The following TBL3 variants were observed in gnomAD, a reference collection of about 807,000 sequenced individuals.
The protein encoded by TBL3 is transducin beta like 3, also known as transducin beta-like protein 3.
In TBL3, 71 loss-of-function variants were observed where a neutral mutation model predicts 102.7. That is an observed-to-expected ratio of 0.69 (90% CI 0.57 to 0.84). TBL3 has a LOEUF of 0.84. TBL3 is among the 40% of genes least tolerant of loss of function. The probability of loss-of-function intolerance (pLI) is 0.00; values close to 1 mark genes in which losing one functional copy is unlikely to be tolerated. For synonymous variants in TBL3, 578 were observed against 477.7 expected (o/e 1.21, Z -2.74); for missense variants, 1,188 against 1,098.5 (o/e 1.08, Z -1.15).
At position 1,974,152 on chromosome 16, in the gene TBL3, C is replaced by T. The variant is rs751709860; in HGVS notation, c.93+45C>T. The T allele has an allele frequency of 1.4e-5, 22 of 1,564,222 alleles. No homozygotes were observed. The Admixed American group carries it at 1.5e-4, about 10-fold the overall frequency. ...CAGTGGGGCGGGCAGCCAGAGGCCG[C>T]GGGGGGTGCTGAATGTTGCCTGGCT... On this transcript the variant is annotated intron_variant, in intron 2 of 21. Coordinates refer to ENST00000568546, the MANE Select transcript of TBL3 (RefSeq NM_006453.3).
rs1340748410 is a variant in TBL3 at position 1,981,268 on chromosome 16, A to G, written c.*2583A>G. 1.9e-6 allele frequency: 3 copies of G among 1,570,394 alleles called. No individual in the cohort carries two copies. The highest frequency in any genetic ancestry group is 4.6e-5 in the East Asian group (2 of 43,768). ...GAGAGGGCTCTGGGGGACCCAGAAA[A>G]CCCCCTGGGATAGAATCCTGGCAAC... On this transcript the variant is annotated 3_prime_UTR_variant, in exon 22 of 22. Transcript: ENST00000568546.
In TBL3 at chr16:1,977,557, G is replaced by C. The variant is rs780790451; in HGVS notation, c.1786G>C (p.Glu596Gln). The C allele has an allele frequency of 6.3e-7, 1 of 1,595,554 alleles. No individual in the cohort carries two copies. The highest frequency in any genetic ancestry group is 8.5e-7 in the Non-Finnish European group (1 of 1,170,514). Residue 596 changes from glutamate (E) to glutamine (Q), a missense_variant, in exon 17 of 22, where the codon GAG becomes CAG. Physicochemically the swap from Glu to Gln is conservative, Grantham distance 29. Coordinates refer to ENST00000568546, the MANE Select transcript of TBL3 (RefSeq NM_006453.3). ...LVKLWTIKNN[E>Q]CVRTLDAHED... ...GAAGCTCTGGACCATCAAGAACAAC[G>C]AGTGTGTGCGGACGCTGGATGCCCA...
Position 1,980,590 on chromosome 16 carries a change from C to T in TBL3, c.*1905C>T, listed in dbSNP as rs2083485155. ...TACTGTGATACGCCGCTTTGGGCTT[C>T]ACTGGTCCCTGGCGCCCCCAGGCAA... On this transcript the variant is annotated 3_prime_UTR_variant, in exon 22 of 22. Coordinates refer to ENST00000568546, the MANE Select transcript of TBL3 (RefSeq NM_006453.3). 6.3e-7 allele frequency: 1 copy of T among 1,594,334 alleles called. No individual in the cohort carries two copies. Among genetic ancestry groups the T allele is most frequent in the Non-Finnish European group, 8.6e-7 (1 of 1,169,190 alleles).
intron 2 of TBL3, 35 bp from the exon 3 acceptor site, chr16:1,974,162 T>C: frequency 6.4e-7 from 1 of 1,562,202 alleles, no homozygotes; most frequent in South Asian, 1.2e-5. Context: ...CGGGGGGTGC[T>C]GAATGTTGCC....
At chr16:1,978,126 C>T (rs1043819965) in intron 19 of TBL3, 23 bp from the exon 20 acceptor site, 4 of 1,612,046 alleles carry the variant, frequency 2.5e-6, no homozygotes, top group Non-Finnish European at 3.4e-6. Context: ...CTTTCCCCAG[C>T]TCAGCCTTCC....
rs377766361 is a variant in TBL3, at chr16:1,975,330, C to T, written c.712-15C>T. The T allele has an allele frequency of 3.0e-5, 48 of 1,613,868 alleles. No individual in the cohort carries two copies. In the African/African-American group the frequency reaches 5.1e-4, roughly 17 times the overall value. ...AGGGGGCATGATAGCAGCCTGTGAC[C>T]CAATTCGTCTCCAGAGCGTGGAGGC... On this transcript the variant is annotated splice_polypyrimidine_tract_variant and intron_variant, in intron 8 of 21. Coordinates refer to ENST00000568546, the MANE Select transcript of TBL3 (RefSeq NM_006453.3).
Position 1,978,985 on chromosome 16 carries a change from TC to T in TBL3, c.*302del. ...CTCCCATCCCTGCTGGCCAGGGAGA[TC>T]CGCCCTCCCCGCTCCTCCCCAGCCC... On this transcript the variant is annotated 3_prime_UTR_variant, in exon 22 of 22. Transcript: ENST00000568546. 1.4e-6 allele frequency: 2 copies of T among 1,422,722 alleles called. No homozygotes were observed. The highest frequency in any genetic ancestry group is 1.9e-6 in the Non-Finnish European group (2 of 1,067,532). The allele number at this position is 1,422,722 out of a possible 1,614,324, so 88.1% of individuals were successfully genotyped here. A position where few individuals can be genotyped will look rare whatever the true frequency, so the allele number is the denominator to read the frequency against.
chr16:1,973,493 G>C (rs1409604400), intron 1 of TBL3, among the ~76,000 whole-genome samples: 21 of 152,234 alleles, frequency 1.4e-4, no homozygotes, highest in Admixed American at 1.4e-3. Context: ...GAAGAGGCCA[G>C]AGTGGCTGGC....
rs1286441165 is a variant in TBL3, at chr16:1,979,944, C to A, written c.*1259C>A. The A allele has an allele frequency of 3.8e-6, 6 of 1,577,000 alleles. No individual in the cohort carries two copies. In the Admixed American group the frequency reaches 7.3e-5, roughly 19 times the overall value. Reference sequence around the variant, plus strand: ...GGGCAGGGACTCAAATCTCGAGGCTCCCTCGGGTCCAGGAGCAGAGGAGCA... The same window carrying A: ...GGGCAGGGACTCAAATCTCGAGGCTACCTCGGGTCCAGGAGCAGAGGAGCA... On this transcript the variant is annotated 3_prime_UTR_variant, in exon 22 of 22. Transcript: ENST00000568546.
At position 1,974,077 on chromosome 16, in the gene TBL3, T is replaced by G; in HGVS notation, c.63T>G (p.Ile21Met). The G allele has an allele frequency of 6.3e-7, 1 of 1,581,942 alleles. No individual in the cohort carries two copies. Among genetic ancestry groups the G allele is most frequent in the Non-Finnish European group, 8.6e-7 (1 of 1,158,534 alleles). The change falls in exon 2 of 22, where the codon ATT (isoleucine) becomes ATG (methionine). Residue 21 changes from isoleucine to methionine, a missense_variant. Transcript: ENST00000568546. The part of the protein sequence containing the change: ...FKTNYAVERK[I>M]EPFYKGGKAQ... ...CCAGCTATGCTGTGGAGCGCAAAAT[T>G]GAGCCTTTCTACAAGGGCGGAAAAG... is the stretch of plus-strand genomic sequence containing the variant.
In TBL3 at chr16:1,979,056, T is replaced by A; in HGVS notation, c.*371T>A. ...CCCTCATCGGGATCCTCGCGCTCACTGCTCCGTCGTGGGGTGCGGCACAGA... is the reference window on the plus strand; with the variant it reads ...CCCTCATCGGGATCCTCGCGCTCACAGCTCCGTCGTGGGGTGCGGCACAGA... On this transcript the variant is annotated 3_prime_UTR_variant, in exon 22 of 22. Coordinates refer to ENST00000568546, the MANE Select transcript of TBL3 (RefSeq NM_006453.3). 6.5e-7 allele frequency: 1 copy of A among 1,544,822 alleles called. No individual in the cohort carries two copies. Among genetic ancestry groups the A allele is most frequent in the African/African-American group, 1.4e-5 (1 of 72,830 alleles).
rs1453118952 is a variant in TBL3, at chr16:1,980,928, G to C, written c.*2243G>C. ...GCCACCGCGGCATCAGGGTGGCCCAGGGTCACTCACCTTGAGCTGCCTGAA... is the reference window on the plus strand; with the variant it reads ...GCCACCGCGGCATCAGGGTGGCCCACGGTCACTCACCTTGAGCTGCCTGAA... On this transcript the variant is annotated 3_prime_UTR_variant, in exon 22 of 22. Coordinates refer to ENST00000568546, the MANE Select transcript of TBL3 (RefSeq NM_006453.3). 1 of 1,610,744 alleles carries C rather than the reference G, an allele frequency of 6.2e-7. No individual in the cohort carries two copies. The highest frequency in any genetic ancestry group is 1.1e-5 in the South Asian group (1 of 91,030).
rs1439745313 is a variant in TBL3, at chr16:1,976,966, C to T, written c.1440+5C>T. ...ACTCAGCGCTGCCATGATAAGGTGA[C>T]TCCATAGCCACTGGGGTGGGGGTGT... On this transcript the variant is annotated splice_donor_5th_base_variant and intron_variant, in intron 14 of 21. Transcript: ENST00000568546. 3 of 1,613,840 alleles carry T rather than the reference C, an allele frequency of 1.9e-6. No individual in the cohort carries two copies. The highest frequency in any genetic ancestry group is 1.7e-6 in the Non-Finnish European group (2 of 1,179,986).
chr16:1,978,755 T>A lies in TBL3; in HGVS notation c.*70T>A. On this transcript the variant is annotated 3_prime_UTR_variant, in exon 22 of 22. Coordinates refer to ENST00000568546, the MANE Select transcript of TBL3 (RefSeq NM_006453.3). Reference sequence around the variant, plus strand: ...CATAAAGGCCGCTCTCCTGGCCGGCTCTGTCTCTCTGGACTGCAGTCCAGC... The same window carrying A: ...CATAAAGGCCGCTCTCCTGGCCGGCACTGTCTCTCTGGACTGCAGTCCAGC... 5.8e-6 allele frequency: 9 copies of A among 1,552,242 alleles called. No individual in the cohort carries two copies. The highest frequency in any genetic ancestry group is 7.9e-6 in the Non-Finnish European group (9 of 1,142,850).
rs1048997613 is a variant in TBL3, at chr16:1,982,674, C to T, written c.*3989C>T. On this transcript the variant is annotated 3_prime_UTR_variant, in exon 22 of 22. Coordinates refer to ENST00000568546, the MANE Select transcript of TBL3 (RefSeq NM_006453.3). ...CAGTGCCTCACCTGTAATCCAAGTACTTTGGGAGGCCGAGGCAGGGGGATT... is the reference window on the plus strand; with the variant it reads ...CAGTGCCTCACCTGTAATCCAAGTATTTTGGGAGGCCGAGGCAGGGGGATT... 1 of 152,294 alleles carries T rather than the reference C, an allele frequency of 6.6e-6. No homozygotes were observed. The highest frequency in any genetic ancestry group is 2.4e-5 in the African/African-American group (1 of 41,414). 9.4% of individuals were successfully genotyped at this position (152,294 alleles called of 1,614,324 possible). A position where few individuals can be genotyped will look rare whatever the true frequency, so the allele number is the denominator to read the frequency against.
Position 1,979,841 on chromosome 16 carries a change from C to A in TBL3, c.*1156C>A. 1 of 1,578,434 alleles carries A rather than the reference C, an allele frequency of 6.3e-7. No homozygotes were observed. The highest frequency in any genetic ancestry group is 8.6e-7 in the Non-Finnish European group (1 of 1,163,482). ...TCCCGGCCTTGGCCCGGGGCCGCCT[C>A]CTCCAGGTAGGGCGCTGGAAACCAG... On this transcript the variant is annotated 3_prime_UTR_variant, in exon 22 of 22. Transcript: ENST00000568546.
Position 1,979,180 on chromosome 16 carries a change from G to T in TBL3, c.*495G>T, listed in dbSNP as rs756000358. 5 of 1,458,992 alleles carry T rather than the reference G, an allele frequency of 3.4e-6. No individual in the cohort carries two copies. The highest frequency in any genetic ancestry group is 4.5e-6 in the Non-Finnish European group (5 of 1,114,418). 90.4% of individuals were successfully genotyped at this position (1,458,992 alleles called of 1,614,324 possible). A position where few individuals can be genotyped will look rare whatever the true frequency, so the allele number is the denominator to read the frequency against. ...CGGCTCTGGATGGCGCCCGGCGAAG[G>T]TCGGGTGGGCACGGTGGGGGGAGGG... On this transcript the variant is annotated 3_prime_UTR_variant, in exon 22 of 22. Coordinates refer to ENST00000568546, the MANE Select transcript of TBL3 (RefSeq NM_006453.3).
chr16:1,980,291 G>A lies in TBL3; in HGVS notation c.*1606G>A, dbSNP rs991679611. 14 of 1,524,602 alleles carry A rather than the reference G, an allele frequency of 9.2e-6. No homozygotes were observed. Among genetic ancestry groups the A allele is most frequent in the Admixed American group, 7.7e-5 (4 of 51,832 alleles). The allele number at this position is 1,524,602 out of a possible 1,614,324, so 94.4% of individuals were successfully genotyped here. On this transcript the variant is annotated 3_prime_UTR_variant, in exon 22 of 22. Transcript: ENST00000568546. ...TCCCACTCTCTGCCCCTATTCGCTGGCTGTTCCCCCCCACCCTGGACCTCT... is the reference window on the plus strand; with the variant it reads ...TCCCACTCTCTGCCCCTATTCGCTGACTGTTCCCCCCCACCCTGGACCTCT...
chr16:1,974,389 A>G lies in TBL3; in HGVS notation c.203A>G (p.Asp68Gly), dbSNP rs1416572815. 1.2e-6 allele frequency: 2 copies of G among 1,610,744 alleles called. No individual in the cohort carries two copies. The highest frequency in any genetic ancestry group is 1.3e-5 in the African/African-American group (1 of 75,010). Residue 68 changes from aspartate (D) to glycine (G), a missense_variant, in exon 4 of 22, where the codon GAC becomes GGC. Asp to Gly is a moderately conservative substitution (Grantham distance 94, BLOSUM62 -1). Coordinates refer to ENST00000568546, the MANE Select transcript of TBL3 (RefSeq NM_006453.3). ...LRSLEQEDQE[D>G]ITAFDLSPDN... ...TCTTTCTCCTAGGAGGACCAGGAGG[A>G]CATCACTGCCTTTGACCTCAGCCCT...
Sources: allele counts gnomAD v4.1 joint callset (sites outside exome capture counted in the v4.1 genomes callset), GRCh38; gene constraint gnomAD v4.1.1; transcripts MANE v1.5; gene names NCBI Gene and HGNC (gene_info 2026-07-23, HGNC 2026-07-21).